RANBP3: variants seen among roughly 807,000 people sequenced by gnomAD.
RANBP3 encodes the protein RAN binding protein 3, also known as ran-binding protein 3.
RANBP3 carries 14 observed loss-of-function variants against 77.3 expected under a neutral mutation model. The observed-to-expected ratio is 0.18, with a 90% CI of 0.12 to 0.28. The LOEUF is 0.28. RANBP3 is among the 10% of genes least tolerant of loss of function. RANBP3 has a pLI of 1.00. For synonymous variants in RANBP3, 315 were observed against 312.4 expected (o/e 1.01, Z -0.09); for missense variants, 586 against 752.3 (o/e 0.78, Z 2.59).
In RANBP3 at chr19:5,951,478, G is replaced by A. The variant is rs1466108722; in HGVS notation, c.197C>T (p.Pro66Leu). The A allele has an allele frequency of 6.2e-7, 1 of 1,610,728 alleles. No homozygotes were observed. Among genetic ancestry groups the A allele is most frequent in the East Asian group, 2.2e-5 (1 of 44,816 alleles). The change falls in exon 3 of 17, where the codon CCT becomes CTT. Residue 66 changes from proline to leucine, a missense_variant. Coordinates refer to ENST00000340578, the MANE Select transcript of RANBP3 (RefSeq NM_007322.3). ...GCTGGCTGAGGCGCCAGCAGGGGCA[G>A]GAGGTTCTAGGGCATGCTCGCCAGC... ...ESAGEHALEP[P>L]APAGASASTP...
intron 1 of RANBP3, among the ~76,000 whole-genome samples, chr19:5,963,391 AAAAC>A (rs925329662): frequency 1.5e-4 from 23 of 152,224 alleles, no homozygotes; most frequent in Admixed American, 3.9e-4. Context: ...ATTTCTACAA[AAAAC>A]AAACAAATAG....
At chr19:5,975,657 A>G (rs2058581795) in intron 1 of RANBP3, among the ~76,000 whole-genome samples, 1 of 146,444 alleles carries the variant, frequency 6.8e-6, no homozygotes, top group Non-Finnish European at 1.5e-5. Flanking sequence ...AATATCTAGC[A>G]TGCCGGATTG....
chr19:5,927,821 T>C, intron 9 of RANBP3, 147 bp downstream of exon 9: 1 of 1,032,314 alleles, frequency 9.7e-7, no homozygotes, highest in Non-Finnish European at 1.4e-6. Flanking sequence ...AGCAGCAGAC[T>C]GTGCCGTGAG....
At chr19:5,935,588 G>A (rs1276760612) in intron 5 of RANBP3, 2 of 376,292 alleles carry the variant, frequency 5.3e-6, no homozygotes, top group Non-Finnish European at 1.1e-5. Context: ...TCCACACTCC[G>A]CTCCGTGCAG....
At chr19:5,962,711 C>A (rs1371523672) in intron 1 of RANBP3, 1 of 455,926 alleles carries the variant, frequency 2.2e-6, no homozygotes, top group Non-Finnish European at 4.4e-6. Flanking sequence ...CACATCTGCA[C>A]CCAAAACACA....
chr19:5,971,562 A>G (rs2058530749), intron 1 of RANBP3, among the ~76,000 whole-genome samples: 1 of 152,230 alleles, frequency 6.6e-6, no homozygotes, highest in African/African-American at 2.4e-5. Flanking sequence ...AGTGAATAAG[A>G]GTGAAAAAAG....
intron 5 of RANBP3, chr19:5,934,399 A>G (rs1171314500): frequency 1.3e-5 from 2 of 152,250 alleles, no homozygotes; most frequent in African/African-American, 4.8e-5. Context: ...TACAGGACAC[A>G]AGATCAATAT....
In RANBP3 at chr19:5,917,642, C is replaced by G; in HGVS notation, c.1672G>C (p.Glu558Gln). The G allele has an allele frequency of 2.5e-6, 4 of 1,606,770 alleles. No homozygotes were observed. Among genetic ancestry groups the G allele is most frequent in the Non-Finnish European group, 3.4e-6 (4 of 1,178,978 alleles). Residue 558 changes from glutamate (E) to glutamine (Q), a missense_variant, in exon 17 of 17, where the codon GAA becomes CAA. By Grantham distance (29) the Glu-to-Gln change is conservative. Around this residue, in one of 5 missense-constraint regions of RANBP3, gnomAD observed 128 missense variants for 157.0 expected, o/e 0.82. Transcript: ENST00000340578. The stretch of plus-strand genomic sequence containing the variant: ...CTCCCGGTCGTCTGCCCGTCCCCTT[C>G]GTCACCAGCACCTGCAGGGAAGCAG... ...SGATAAGAGD[E>Q]GDGQTTGST
intron 14 of RANBP3, among the ~76,000 whole-genome samples, chr19:5,919,818 G>A (rs1367369660): frequency 2.6e-5 from 4 of 151,050 alleles, no homozygotes; most frequent in Admixed American, 6.6e-5. Flanking sequence ...GGAGAATCGC[G>A]TGAACCTGGG....
At chr19:5,918,279 C>A in intron 15 of RANBP3, 1 of 645,342 alleles carries the variant, frequency 1.5e-6, no homozygotes, top group Non-Finnish European at 2.6e-6. Flanking sequence ...TCAGCCAAAC[C>A]CCAGCGGCTT....
rs191044677 is a variant in RANBP3, at chr19:5,939,739, T to C, written c.406+1882A>G. Among the ~76,000 whole-genome samples the C allele has an allele frequency of 3.0e-3, 409 of 134,794 alleles. 7 individuals carry two copies. The East Asian group carries it at 0.034, about 11-fold the overall frequency. 88.4% of individuals were successfully genotyped at this position (134,794 alleles called of 152,430 possible). A position where few individuals can be genotyped will look rare whatever the true frequency, so the allele number is the denominator to read the frequency against. ...AGCACGCAAACAGGGCATTCAGTCTTTCCCGAGAACAGCAAACCCCAAGAC... is the reference window on the plus strand; with the variant it reads ...AGCACGCAAACAGGGCATTCAGTCTCTCCCGAGAACAGCAAACCCCAAGAC... On this transcript the variant is annotated intron_variant, in intron 5 of 16. Transcript: ENST00000340578.
chr19:5,968,582 C>T lies in RANBP3; in HGVS notation c.22+9479G>A, dbSNP rs58487095. ...GGATTCAAGGACAGCTGCCAGTGCCCGGCAACGACAAATGCGTCAGAGTCT... is the reference window on the plus strand; with the variant it reads ...GGATTCAAGGACAGCTGCCAGTGCCTGGCAACGACAAATGCGTCAGAGTCT... On this transcript the variant is annotated intron_variant, in intron 1 of 16. Coordinates refer to ENST00000340578, the MANE Select transcript of RANBP3 (RefSeq NM_007322.3). Among the ~76,000 whole-genome samples the T allele has an allele frequency of 1.1e-3, 162 of 152,304 alleles. 1 individual carries two copies. The highest frequency in any genetic ancestry group is 3.8e-3 in the African/African-American group (159 of 41,554).
intron 5 of RANBP3, among the ~76,000 whole-genome samples, chr19:5,937,028 CCTGGGCAACA>C (rs2058073040): frequency 9.1e-6 from 1 of 110,058 alleles, no homozygotes; most frequent in South Asian, 3.1e-4. Flanking sequence ...TGCACTCCAG[CCTGGGCAACA>C]GAGCAAGACT....
rs752979477 is a variant in RANBP3, at chr19:5,918,649, C to A, written c.1331-11G>T. 1.1e-5 allele frequency: 18 copies of A among 1,612,816 alleles called. No individual in the cohort carries two copies. The African/African-American group carries it at 2.1e-4, about 19-fold the overall frequency. ...CCTGGGTCCGCATCACTACAACCAA[C>A]AAGGCCACTCAGCCCTGGCCCCCAC... is the stretch of plus-strand genomic sequence containing the variant. On this transcript the variant is annotated splice_polypyrimidine_tract_variant and intron_variant, in intron 14 of 16. Coordinates refer to ENST00000340578, the MANE Select transcript of RANBP3 (RefSeq NM_007322.3).
intron 1 of RANBP3, among the ~76,000 whole-genome samples, chr19:5,967,153 G>A (rs1289419452): frequency 2.0e-5 from 3 of 152,320 alleles, no homozygotes; most frequent in Non-Finnish European, 2.9e-5. Flanking sequence ...GCGGATCTCC[G>A]TGTATAGCAT....
intron 3 of RANBP3, among the ~76,000 whole-genome samples, chr19:5,948,674 A>G (rs946111261): frequency 6.6e-6 from 1 of 152,106 alleles, no homozygotes; most frequent in African/African-American, 2.4e-5. Context: ...AGCAAGTGAG[A>G]GGTGGCTTCC....
chr19:5,976,262 CTA>C (rs2058589861), intron 1 of RANBP3: 1 of 152,152 alleles, frequency 6.6e-6, no homozygotes, highest in Non-Finnish European at 1.5e-5. Flanking sequence ...CTAGACTTAC[CTA>C]TGACACATCC....
chr19:5,953,953 C>T (rs184093089), intron 2 of RANBP3, among the ~76,000 whole-genome samples: 32 of 152,312 alleles, frequency 2.1e-4, no homozygotes, highest in African/African-American at 6.0e-4. Context: ...GTGATGCCAC[C>T]GGCACCCACA....
chr19:5,946,445 C>T (rs142387095), intron 3 of RANBP3, among the ~76,000 whole-genome samples: 9 of 152,216 alleles, frequency 5.9e-5, no homozygotes, highest in African/African-American at 2.2e-4. Flanking sequence ...TTCTAAGAGC[C>T]TGCCTGCAAC....
Sources: gnomAD v4.1 joint callset for allele counts (sites outside exome capture counted in the v4.1 genomes callset) on GRCh38, gnomAD v4.1.1 for gene constraint, gnomAD v4.1.1 regional missense constraint, MANE v1.5 for transcripts, NCBI Gene and HGNC (gene_info 2026-07-23, HGNC 2026-07-21) for gene names.